HTR4: variants seen among roughly 807,000 people sequenced by gnomAD.
HTR4 encodes the protein 5-hydroxytryptamine (serotonin) receptor 4, G protein-coupled.
In HTR4, 16 loss-of-function variants were observed where a neutral mutation model predicts 36.8. The observed-to-expected ratio is 0.43, with a 90% CI of 0.29 to 0.66. The LOEUF is 0.66. Among genes scored for constraint, HTR4 ranks in the 30% least tolerant of loss-of-function variants. The pLI, the probability that HTR4 is intolerant of heterozygous loss-of-function variation, is 0.13. For synonymous variants in HTR4, 189 were observed against 185.1 expected (o/e 1.02, Z -0.17); for missense variants, 438 against 490.9 (o/e 0.89, Z 1.02).
chr5:148,651,630 A>G (rs1261765051), intron 1 of HTR4, among the ~76,000 whole-genome samples: 2 of 152,102 alleles, frequency 1.3e-5, no homozygotes, highest in Admixed American at 6.6e-5. Context: ...CGAACCATCT[A>G]GCTCAAAATT....
At chr5:148,462,144 G>A (rs754566143) in intron 5 of HTR4, among the ~76,000 whole-genome samples, 12 of 151,932 alleles carry the variant, frequency 7.9e-5, no homozygotes, top group Non-Finnish European at 1.3e-4. Flanking sequence ...TTCAAAGTAA[G>A]TAGAATGAAA....
chr5:148,497,697 G>C (rs1015308503), intron 6 of HTR4, among the ~76,000 whole-genome samples: 11 of 152,310 alleles, frequency 7.2e-5, no homozygotes, highest in African/African-American at 2.6e-4. Flanking sequence ...CACAGCTGCA[G>C]AACAAGATTA....
chr5:148,480,262 A>G (rs780652003), downstream of HTR4, among the ~76,000 whole-genome samples: 4 of 152,244 alleles, frequency 2.6e-5, no homozygotes, highest in Non-Finnish European at 4.4e-5. Flanking sequence ...ATCCTTTTAA[A>G]TGAGTTTCTG....
intron 4 of HTR4, among the ~76,000 whole-genome samples, chr5:148,527,289 T>G (rs1660556563): frequency 6.6e-6 from 1 of 152,220 alleles, no homozygotes; most frequent in Non-Finnish European, 1.5e-5. Flanking sequence ...TGTGGATGTT[T>G]AGAGGGTTAT....
At chr5:148,496,849 G>A (rs953572536) in intron 6 of HTR4, among the ~76,000 whole-genome samples, 1 of 152,210 alleles carries the variant, frequency 6.6e-6, no homozygotes. Context: ...TCTTGCTAGT[G>A]TATCCCTTGC....
chr5:148,469,957 G>A (rs996351719), intron 5 of HTR4, among the ~76,000 whole-genome samples: 1 of 152,166 alleles, frequency 6.6e-6, no homozygotes, highest in African/African-American at 2.4e-5. Flanking sequence ...TCATGTATCA[G>A]AGGGAGATCA....
intron 2 of HTR4, among the ~76,000 whole-genome samples, chr5:148,576,975 A>G (rs899126261): frequency 1.6e-4 from 25 of 152,122 alleles, no homozygotes; most frequent in African/African-American, 5.8e-4. Context: ...ACTGGGATCT[A>G]ATTAAACTTA....
chr5:148,532,343 G>A (rs907377482), intron 4 of HTR4, among the ~76,000 whole-genome samples: 1 of 152,246 alleles, frequency 6.6e-6, no homozygotes, highest in Non-Finnish European at 1.5e-5. Flanking sequence ...CATGAGGACA[G>A]CAATGTTTGC....
intron 6 of HTR4, among the ~76,000 whole-genome samples, chr5:148,497,296 T>C (rs1318600816): frequency 6.6e-6 from 1 of 152,172 alleles, no homozygotes; most frequent in Non-Finnish European, 1.5e-5. Context: ...TGGTTTTTTC[T>C]CATGTGTAGG....
chr5:148,633,918 T>C (rs977765311), intron 2 of HTR4, among the ~76,000 whole-genome samples: 3 of 152,122 alleles, frequency 2.0e-5, no homozygotes, highest in Admixed American at 6.6e-5. Context: ...ACACTGTAAC[T>C]ACTCCCAAAT....
At chr5:148,550,718 G>A (rs888685545) in intron 2 of HTR4, among the ~76,000 whole-genome samples, 2 of 152,198 alleles carry the variant, frequency 1.3e-5, no homozygotes, top group Admixed American at 6.5e-5. Flanking sequence ...CAGGTTGCAA[G>A]TTAAACTGAC....
At chr5:148,477,569 A>G (rs554554297), downstream of HTR4, among the ~76,000 whole-genome samples, 2 of 152,286 alleles carry the variant, frequency 1.3e-5, no homozygotes, top group Non-Finnish European at 2.9e-5. Flanking sequence ...AAAATTCCAC[A>G]TTAACTTCTC....
chr5:148,588,820 G>C (rs924527249), intron 2 of HTR4, among the ~76,000 whole-genome samples: 1 of 151,632 alleles, frequency 6.6e-6, no homozygotes, highest in Admixed American at 6.6e-5. Flanking sequence ...GATTACAGGC[G>C]TGAGGGTTTT....
intron 2 of HTR4, among the ~76,000 whole-genome samples, chr5:148,589,837 A>G (rs1277231171): frequency 2.0e-5 from 3 of 151,818 alleles, no homozygotes; most frequent in Non-Finnish European, 4.4e-5. Context: ...CACAAACATC[A>G]TCTTTTTGGT....
intron 2 of HTR4, among the ~76,000 whole-genome samples, chr5:148,578,605 G>A (rs1429127430): frequency 2.6e-5 from 4 of 151,940 alleles, no homozygotes; most frequent in Admixed American, 6.6e-5. Flanking sequence ...CGGTATAATC[G>A]CTAAAAGCAC....
At chr5:148,551,311 T>G (rs944142936) in intron 2 of HTR4, among the ~76,000 whole-genome samples, 6 of 152,198 alleles carry the variant, frequency 3.9e-5, no homozygotes, top group Non-Finnish European at 5.9e-5. Flanking sequence ...TGAATTCAGA[T>G]TCTGTGAAGT....
chr5:148,596,731 C>G (rs1761793203), intron 2 of HTR4, among the ~76,000 whole-genome samples: 1 of 152,172 alleles, frequency 6.6e-6, no homozygotes, highest in African/African-American at 2.4e-5. Context: ...TCTAGCAAAA[C>G]TGAATTACTC....
At chr5:148,466,750 A>G (rs1408377030) in intron 5 of HTR4, among the ~76,000 whole-genome samples, 1 of 152,248 alleles carries the variant, frequency 6.6e-6, no homozygotes. Context: ...CTGGTATAAC[A>G]TTTATAAATA....
intron 2 of HTR4, among the ~76,000 whole-genome samples, chr5:148,601,167 C>T (rs1454395083): frequency 1.3e-5 from 2 of 151,470 alleles, no homozygotes; most frequent in Non-Finnish European, 2.9e-5. Context: ...CACAGAATTG[C>T]TATTATTAAA....
Sources: allele counts gnomAD v4.1 joint callset (sites outside exome capture counted in the v4.1 genomes callset), GRCh38; gene constraint gnomAD v4.1.1; transcripts MANE v1.5; gene names NCBI Gene and HGNC (gene_info 2026-07-23, HGNC 2026-07-21).